MBD2: variants seen among roughly 807,000 people sequenced by gnomAD.
MBD2 encodes methyl-CpG binding domain protein 2.
MBD2 carries 9 observed loss-of-function variants against 39.3 expected under a neutral mutation model. The ratio of observed to expected loss-of-function variants is 0.23; its 90% CI spans 0.14 to 0.40. The LOEUF is 0.40. MBD2 is among the 10% of genes least tolerant of loss of function. The probability of loss-of-function intolerance (pLI) is 1.00; values close to 1 mark genes in which losing one functional copy is unlikely to be tolerated. For synonymous variants in MBD2, 233 were observed against 211.1 expected, an observed-to-expected ratio of 1.10 and a Z score of -0.90; for missense variants, 458 against 532.6, an observed-to-expected ratio of 0.86 and a Z score of 1.38.
At chr18:54,161,057 A>G (rs936748747) in intron 5 of MBD2, among the ~76,000 whole-genome samples, 1 of 152,244 alleles carries the variant, frequency 6.6e-6, no homozygotes, top group African/African-American at 2.4e-5. Context: ...GCAGAGAGGT[A>G]GAGGAGCAAT....
At chr18:54,177,792 T>C (rs1190223668) in intron 3 of MBD2, among the ~76,000 whole-genome samples, 2 of 150,054 alleles carry the variant, frequency 1.3e-5, no homozygotes, top group African/African-American at 4.9e-5. Context: ...ATTCTTTCTG[T>C]AGGACACTAA....
intron 3 of MBD2, among the ~76,000 whole-genome samples, chr18:54,168,475 A>T (rs572302914): frequency 6.6e-6 from 1 of 151,468 alleles, no homozygotes; most frequent in Non-Finnish European, 1.5e-5. Flanking sequence ...GACATAAGAA[A>T]CTAAGATTTT....
At chr18:54,212,612 A>G (rs2086517525) in intron 1 of MBD2, among the ~76,000 whole-genome samples, 1 of 152,106 alleles carries the variant, frequency 6.6e-6, no homozygotes, top group Non-Finnish European at 1.5e-5. Flanking sequence ...CTACTTTTGT[A>G]TGTATGAATG....
At chr18:54,178,759 G>T (rs1161551104) in intron 3 of MBD2, among the ~76,000 whole-genome samples, 3 of 152,036 alleles carry the variant, frequency 2.0e-5, no homozygotes, top group Non-Finnish European at 4.4e-5. Context: ...GTTAGGAAAG[G>T]TCTCCCCAAT....
In MBD2 at chr18:54,224,351, C is replaced by T; in HGVS notation, c.209G>A (p.Gly70Asp). Residue 70 changes from glycine to aspartate, a missense_variant, in exon 1 of 7, where the codon GGC becomes GAC. By Grantham distance (94) the Gly-to-Asp change is moderately conservative. Coordinates refer to ENST00000256429, the MANE Select transcript of MBD2 (RefSeq NM_003927.5). The stretch of plus-strand genomic sequence containing the variant: ...CCGGCCACGGCCACAGACGCCGCCG[C>T]CCCGGCCCGCCTGCTTCCACCGCCC... ...GRGRWKQAGR[G>D]GGVCGRGRGR... 8.8e-7 allele frequency: 1 copy of T among 1,138,942 alleles called. No individual in the cohort carries two copies. Among genetic ancestry groups the T allele is most frequent in the Non-Finnish European group, 1.1e-6 (1 of 928,810 alleles). 70.6% of individuals were successfully genotyped at this position (1,138,942 alleles called of 1,614,324 possible).
chr18:54,163,917 T>C (rs569976914), intron 5 of MBD2, among the ~76,000 whole-genome samples: 70 of 152,206 alleles, frequency 4.6e-4, no homozygotes, highest in African/African-American at 1.6e-3. Context: ...AGGATCTAGC[T>C]CTGTCACCAC....
chr18:54,214,803 G>A (rs1051286475), intron 1 of MBD2, among the ~76,000 whole-genome samples: 2 of 149,928 alleles, frequency 1.3e-5, no homozygotes, highest in East Asian at 2.0e-4. Context: ...GCAGTGGTGC[G>A]ATCTTGGCTC....
chr18:54,214,427 G>A (rs971313657), intron 1 of MBD2, among the ~76,000 whole-genome samples: 1 of 152,020 alleles, frequency 6.6e-6, no homozygotes, highest in African/African-American at 2.4e-5. Flanking sequence ...TCAAACTCCT[G>A]TCTTCAAGTG....
At position 54,160,714 on chromosome 18, in the gene MBD2, G is replaced by A. The variant is rs141798231; in HGVS notation, c.1110-811C>T. Reference sequence around the variant, plus strand: ...ATGGTAAGAGATAAATTCCTAATACGTGTCTAGCAAACAAAGCTCGGTAAA... The same window carrying A: ...ATGGTAAGAGATAAATTCCTAATACATGTCTAGCAAACAAAGCTCGGTAAA... On this transcript the variant is annotated intron_variant, in intron 5 of 6. Coordinates refer to ENST00000256429, the MANE Select transcript of MBD2 (RefSeq NM_003927.5). Among the ~76,000 whole-genome samples, 606 of 150,898 alleles carry A rather than the reference G, an allele frequency of 4.0e-3. 3 individuals carry two copies. The highest frequency in any genetic ancestry group is 6.4e-3 in the Non-Finnish European group (437 of 67,788).
At chr18:54,203,022 C>T (rs747604803) in intron 2 of MBD2, 6 of 1,205,344 alleles carry the variant, frequency 5.0e-6, no homozygotes, top group Non-Finnish European at 7.4e-6. Flanking sequence ...AAGCACATTC[C>T]AAGCAGAGCA....
At chr18:54,156,707 A>G (rs1259940) in intron 6 of MBD2, among the ~76,000 whole-genome samples, 8,286 of 151,998 alleles carry the variant, frequency 0.055, 727 homozygotes, top group African/African-American at 0.19. Context: ...CAAAAAATTA[A>G]CTGGGCATGG....
chr18:54,154,410 G>A lies in MBD2; in HGVS notation c.*914C>T, dbSNP rs2086039425. The A allele has an allele frequency of 6.6e-6, 1 of 152,116 alleles. No individual in the cohort carries two copies. Among genetic ancestry groups the A allele is most frequent in the African/African-American group, 2.4e-5 (1 of 41,396 alleles). The allele number at this position is 152,116 out of a possible 1,614,324, so 9.4% of individuals were successfully genotyped here. A position where few individuals can be genotyped will look rare whatever the true frequency, so the allele number is the denominator to read the frequency against. ...TGTCTAGAAGCTGCCTCTCACTGTA[G>A]CCAAGAGTCTGACCTGCACCTGATA... On this transcript the variant is annotated 3_prime_UTR_variant, in exon 7 of 7. Coordinates refer to ENST00000256429, the MANE Select transcript of MBD2 (RefSeq NM_003927.5).
At chr18:54,186,734 A>G (rs1042115688) in intron 3 of MBD2, among the ~76,000 whole-genome samples, 3 of 152,212 alleles carry the variant, frequency 2.0e-5, no homozygotes, top group African/African-American at 7.2e-5. Flanking sequence ...GTCAGGTACC[A>G]TAAGGATAAA....
At chr18:54,220,001 T>C (rs1485864974) in intron 1 of MBD2, among the ~76,000 whole-genome samples, 1 of 152,114 alleles carries the variant, frequency 6.6e-6, no homozygotes, top group Non-Finnish European at 1.5e-5. Context: ...CAGGGTTTCA[T>C]CATGTTAGCC....
chr18:54,224,379 G>A lies in MBD2; in HGVS notation c.181C>T (p.Arg61Trp). Reference sequence around the variant, plus strand: ...CGGCCCGCCTGCTTCCACCGCCCCCGGCCACGGCCGCCGCCCCGAGCGCCT... The same window carrying A: ...CGGCCCGCCTGCTTCCACCGCCCCCAGCCACGGCCGCCGCCCCGAGCGCCT... ...REGARGGGRG[R>W]GRWKQAGRGG... Residue 61 changes from arginine (R) to tryptophan (W), a missense_variant, in exon 1 of 7, where the codon CGG (arginine) becomes TGG (tryptophan). This residue lies in a region of MBD2 where 269 missense variants were observed against 236.0 expected (regional missense o/e 1.14). Coordinates refer to ENST00000256429, the MANE Select transcript of MBD2 (RefSeq NM_003927.5). The A allele has an allele frequency of 1.6e-6, 2 of 1,220,682 alleles. No homozygotes were observed. The highest frequency in any genetic ancestry group is 2.0e-6 in the Non-Finnish European group (2 of 979,478). The allele number at this position is 1,220,682 out of a possible 1,614,324, so 75.6% of individuals were successfully genotyped here.
chr18:54,224,547 G>T lies in MBD2; in HGVS notation c.13C>A (p.Pro5Thr). 2 of 1,228,846 alleles carry T rather than the reference G, an allele frequency of 1.6e-6. No individual in the cohort carries two copies. Among genetic ancestry groups the T allele is most frequent in the Non-Finnish European group, 2.0e-6 (2 of 985,960 alleles). The allele number at this position is 1,228,846 out of a possible 1,614,324, so 76.1% of individuals were successfully genotyped here. A position where few individuals can be genotyped will look rare whatever the true frequency, so the allele number is the denominator to read the frequency against. The change falls in exon 1 of 7, where the codon CCG (proline) becomes ACG (threonine). Residue 5 changes from proline to threonine, a missense_variant. This residue lies in a region of MBD2 where 269 missense variants were observed against 236.0 expected (regional missense o/e 1.14). Transcript: ENST00000256429. The part of the protein sequence containing the change: MRAH[P>T]GGGRCCPEQE... ...TCCGGGCAGCAGCGGCCTCCCCCCG[G>T]GTGCGCGCGCATCCAGCCCCCTCCC... is the stretch of plus-strand genomic sequence containing the variant.
In MBD2 at chr18:54,205,088, G is replaced by A; in HGVS notation, c.612C>T (p.Ser204=). The change falls in exon 2 of 7, where the codon AGC becomes AGT. Residue 204 remains serine, a synonymous_variant. Transcript: ENST00000256429. ...TCTTTCCAGTTCTGAAGTCAAAACTGCTGAGATCAACAGTATTTCCCAGGT... is the reference window on the plus strand; with the variant it reads ...TCTTTCCAGTTCTGAAGTCAAAACTACTGAGATCAACAGTATTTCCCAGGT... ...ARYLGNTVDL[S]SFDFRTGKMM... 6.2e-7 allele frequency: 1 copy of A among 1,614,002 alleles called. No homozygotes were observed. The highest frequency in any genetic ancestry group is 2.2e-5 in the East Asian group (1 of 44,880).
chr18:54,158,751 A>G (rs879943837), intron 6 of MBD2, among the ~76,000 whole-genome samples: 5 of 152,086 alleles, frequency 3.3e-5, no homozygotes, highest in Non-Finnish European at 5.9e-5. Flanking sequence ...CCTCCCGAGT[A>G]GCTAGAATTA....
At chr18:54,206,876 G>T (rs2086454317) in intron 1 of MBD2, among the ~76,000 whole-genome samples, 1 of 152,160 alleles carries the variant, frequency 6.6e-6, no homozygotes, top group Non-Finnish European at 1.5e-5. Flanking sequence ...AAATAAAATA[G>T]CAAGTCACTC....
Sources: allele counts gnomAD v4.1 joint callset (sites outside exome capture counted in the v4.1 genomes callset), GRCh38; gene constraint gnomAD v4.1.1; regional missense constraint gnomAD v4.1.1; transcripts MANE v1.5; gene names NCBI Gene and HGNC (gene_info 2026-07-23, HGNC 2026-07-21).